Variants in NRP1 observed in about 807,000 individuals in gnomAD.
NRP1 encodes the protein neuropilin-1.
A neutral mutation model predicts 106.7 loss-of-function variants in NRP1; 35 were observed. That is an observed-to-expected ratio of 0.33 (90% CI 0.25 to 0.43). The LOEUF is 0.43. NRP1 is among the 20% of genes least tolerant of loss of function. The pLI, the probability that NRP1 is intolerant of heterozygous loss-of-function variation, is 1.00. For missense variants in NRP1, 1,024 were observed against 1,170.4 expected, an observed-to-expected ratio of 0.87 and a Z score of 1.83; for synonymous variants, 437 against 417.9, an observed-to-expected ratio of 1.05 and a Z score of -0.56.
At chr10:33,317,179 G>T (rs536100090) in intron 2 of NRP1, among the ~76,000 whole-genome samples, 3 of 152,174 alleles carry the variant, frequency 2.0e-5, no homozygotes, top group Non-Finnish European at 4.4e-5. Flanking sequence ...ATGAAGAAGC[G>T]TTGAGAGTGC....
chr10:33,284,048 C>A (rs185008672), intron 2 of NRP1, among the ~76,000 whole-genome samples: 2 of 152,274 alleles, frequency 1.3e-5, no homozygotes, highest in Non-Finnish European at 2.9e-5. Flanking sequence ...ATAAAGCAAA[C>A]ATGTCCAAAT....
chr10:33,181,285 A>AG (rs1273724105), intron 16 of NRP1, among the ~76,000 whole-genome samples: 2 of 152,280 alleles, frequency 1.3e-5, no homozygotes, highest in African/African-American at 4.8e-5. Context: ...CCTAACCAAG[A>AG]GAAAACAAGC....
At chr10:33,251,493 GC>G (rs1216369811) in intron 6 of NRP1, among the ~76,000 whole-genome samples, 1 of 152,140 alleles carries the variant, frequency 6.6e-6, no homozygotes, top group Admixed American at 6.5e-5. Flanking sequence ...ACCCCAGCTG[GC>G]CCAGCCATAG....
intron 2 of NRP1, among the ~76,000 whole-genome samples, chr10:33,293,982 C>G (rs1200835229): frequency 6.6e-6 from 1 of 152,196 alleles, no homozygotes; most frequent in Non-Finnish European, 1.5e-5. Context: ...GTCGCAAATA[C>G]CAACTAAAAT....
At chr10:33,230,314 C>A (rs942190524) in intron 6 of NRP1, among the ~76,000 whole-genome samples, 2 of 152,162 alleles carry the variant, frequency 1.3e-5, no homozygotes, top group Admixed American at 6.5e-5. Context: ...GTGTTCATAT[C>A]TGAAGAGTTC....
chr10:33,185,554 C>G, intron 15 of NRP1, 74 bp downstream of exon 15: 1 of 1,167,972 alleles, frequency 8.6e-7, no homozygotes, highest in Non-Finnish European at 1.3e-6. Context: ...ATGAGCAAAA[C>G]AAAGACCATC....
intron 2 of NRP1, among the ~76,000 whole-genome samples, chr10:33,275,384 T>C (rs933346726): frequency 2.6e-5 from 4 of 152,008 alleles, no homozygotes; most frequent in African/African-American, 9.7e-5. Context: ...CTGGCTAACA[T>C]GGTAAAACCC....
At chr10:33,296,077 T>C (rs1206837888) in intron 2 of NRP1, among the ~76,000 whole-genome samples, 1 of 152,194 alleles carries the variant, frequency 6.6e-6, no homozygotes, top group Non-Finnish European at 1.5e-5. Flanking sequence ...ATGGGAATAC[T>C]AAGGGTAAAA....
chr10:33,190,969 G>A (rs1425824498), intron 13 of NRP1, among the ~76,000 whole-genome samples: 1 of 152,056 alleles, frequency 6.6e-6, no homozygotes, highest in East Asian at 1.9e-4. Flanking sequence ...TCCTAAAACA[G>A]ACTCTGAGTA....
chr10:33,258,943 T>G (rs1000675504), intron 4 of NRP1, among the ~76,000 whole-genome samples: 5 of 152,200 alleles, frequency 3.3e-5, no homozygotes, highest in African/African-American at 1.2e-4. Context: ...ATTACATTAG[T>G]GTGGCTTCAT....
chr10:33,226,864 A>G (rs1166378548), intron 6 of NRP1, among the ~76,000 whole-genome samples: 3 of 152,170 alleles, frequency 2.0e-5, no homozygotes, highest in Non-Finnish European at 4.4e-5. Flanking sequence ...GACCAAACCA[A>G]TGTACATCTT....
chr10:33,223,645 G>A lies in NRP1; in HGVS notation c.1138-1782C>T, dbSNP rs544507374. ...TTGGTCTCTATTTTTGTTTAAATAA[G>A]TCAGTTTTTAGCCTGATCTCTCTCT... On this transcript the variant is annotated intron_variant, in intron 7 of 16. Transcript: ENST00000374867. Among the ~76,000 whole-genome samples, 21 of 152,176 alleles carry A rather than the reference G, an allele frequency of 1.4e-4. No individual in the cohort carries two copies. The South Asian group carries it at 4.4e-3, about 32-fold the overall frequency.
At chr10:33,282,675 G>A (rs533382508) in intron 2 of NRP1, among the ~76,000 whole-genome samples, 2 of 151,974 alleles carry the variant, frequency 1.3e-5, no homozygotes, top group South Asian at 2.1e-4. Flanking sequence ...AAGAAAAATG[G>A]GTCTACTGAC....
In NRP1 at chr10:33,182,681, C is replaced by A; in HGVS notation, c.2482+17G>T. The A allele has an allele frequency of 6.2e-7, 1 of 1,601,816 alleles. No homozygotes were observed. Among genetic ancestry groups the A allele is most frequent in the South Asian group, 1.1e-5 (1 of 90,450 alleles). On this transcript the variant is annotated intron_variant, in intron 16 of 16. Transcript: ENST00000374867. ...ATAGTAAAATTTTTTAAAAATTGGTCAGCAAGACAAATTTACCTGTTTCAT... is the reference window on the plus strand; with the variant it reads ...ATAGTAAAATTTTTTAAAAATTGGTAAGCAAGACAAATTTACCTGTTTCAT...
chr10:33,292,094 C>T (rs1311922596), intron 2 of NRP1, among the ~76,000 whole-genome samples: 1 of 152,100 alleles, frequency 6.6e-6, no homozygotes, highest in Admixed American at 6.6e-5. Flanking sequence ...CAGGGTTTTG[C>T]CATGTTGTCC....
At chr10:33,314,058 TCCTCCCTC>T (rs140495312) in intron 2 of NRP1, among the ~76,000 whole-genome samples, 9 of 128,452 alleles carry the variant, frequency 7.0e-5, no homozygotes, top group African/African-American at 8.9e-5. Flanking sequence ...TTCTTTCTAT[TCCTCCCTC>T]CCTCCCTCCC....
At position 33,207,564 on chromosome 10, in the gene NRP1, A is replaced by T; in HGVS notation, c.1759+8T>A. ...CGCATGAGAAGTAACTCTGGAGATC[A>T]TAATTACCTTCCACTTCACAGCCCA... On this transcript the variant is annotated splice_region_variant and intron_variant, in intron 10 of 16. Transcript: ENST00000374867. 1 of 1,614,002 alleles carries T rather than the reference A, an allele frequency of 6.2e-7. No individual in the cohort carries two copies. Among genetic ancestry groups the T allele is most frequent in the Non-Finnish European group, 8.5e-7 (1 of 1,179,930 alleles).
intron 8 of NRP1, among the ~76,000 whole-genome samples, chr10:33,217,670 T>G (rs941085687): frequency 6.6e-6 from 1 of 152,230 alleles, no homozygotes; most frequent in African/African-American, 2.4e-5. Flanking sequence ...AGTACACATA[T>G]GTCTCAAATA....
At chr10:33,285,141 A>G (rs1385563867) in intron 2 of NRP1, among the ~76,000 whole-genome samples, 2 of 152,254 alleles carry the variant, frequency 1.3e-5, no homozygotes, top group Non-Finnish European at 2.9e-5. Context: ...GACTGTGCCT[A>G]TACTTAGTAA....
Sources: gnomAD v4.1 joint callset for allele counts (sites outside exome capture counted in the v4.1 genomes callset) on GRCh38, gnomAD v4.1.1 for gene constraint, MANE v1.5 for transcripts, NCBI Gene and HGNC (gene_info 2026-07-23, HGNC 2026-07-21) for gene names.